STX18: variants seen among roughly 807,000 people sequenced by gnomAD.
The protein encoded by STX18 is syntaxin-18.
Under a neutral mutation model 50.1 loss-of-function variants are expected in STX18, and 40 were observed. The observed-to-expected ratio is 0.80, with a 90% confidence interval of 0.62 to 1.04. STX18 has a LOEUF of 1.04. Among genes scored for constraint, STX18 ranks in the 50% least tolerant of loss-of-function variants. The pLI is 0.00. For synonymous variants in STX18, 158 were observed against 151.8 expected, an observed-to-expected ratio of 1.04 and a Z score of -0.30; for missense variants, 410 against 415.8, an observed-to-expected ratio of 0.99 and a Z score of 0.12.
chr4:4,472,474 G>A (rs10019712), intron 1 of STX18, among the ~76,000 whole-genome samples: 21,747 of 152,168 alleles, frequency 0.14, 1,595 homozygotes, highest in African/African-American at 0.17. Flanking sequence ...TCCAGCTTCC[G>A]ACTCACACAC....
Position 4,419,649 on chromosome 4 carries a change from G to A in STX18, c.*385C>T, listed in dbSNP as rs1724821546. ...CTATGATCTTCCCTGAAGCTACCGG[G>A]ATGGGAAAGGTCAGTGTCTTCCTTT... On this transcript the variant is annotated 3_prime_UTR_variant, in exon 11 of 11. Transcript: ENST00000306200. 5.8e-6 allele frequency: 1 copy of A among 171,140 alleles called. No homozygotes were observed. Among genetic ancestry groups the A allele is most frequent in the East Asian group, 1.6e-4 (1 of 6,286 alleles). The allele number at this position is 171,140 out of a possible 1,614,324, so 10.6% of individuals were successfully genotyped here.
chr4:4,461,003 G>A (rs1368023825), intron 2 of STX18, among the ~76,000 whole-genome samples: 1 of 152,128 alleles, frequency 6.6e-6, no homozygotes, highest in Non-Finnish European at 1.5e-5. Flanking sequence ...GGACAAATGA[G>A]TCAGAAAGGT....
At chr4:4,461,329 A>C (rs148139957) in intron 2 of STX18, among the ~76,000 whole-genome samples, 3 of 152,334 alleles carry the variant, frequency 2.0e-5, no homozygotes, top group African/African-American at 7.2e-5. Flanking sequence ...TATTGTGGAA[A>C]AAGTCCATCT....
At chr4:4,444,741 T>A (rs1726299059) in intron 5 of STX18, among the ~76,000 whole-genome samples, 1 of 152,220 alleles carries the variant, frequency 6.6e-6, no homozygotes, top group Non-Finnish European at 1.5e-5. Context: ...GGAAATTTCC[T>A]TAACCTGATA....
At chr4:4,423,473 C>T (rs749807986) in intron 9 of STX18, 45 bp downstream of exon 9, 2 of 1,583,296 alleles carry the variant, frequency 1.3e-6, no homozygotes, top group Non-Finnish European at 1.7e-6. Flanking sequence ...AAGTACATTC[C>T]CCTTTGAGTG....
At chr4:4,428,933 C>A (rs1416832832) in intron 7 of STX18, among the ~76,000 whole-genome samples, 2 of 152,094 alleles carry the variant, frequency 1.3e-5, no homozygotes, top group Non-Finnish European at 2.9e-5. Context: ...CAGGTTGGGC[C>A]CTCCATGCAT....
At chr4:4,496,745 C>T (rs1729194050) in intron 1 of STX18, among the ~76,000 whole-genome samples, 1 of 152,154 alleles carries the variant, frequency 6.6e-6, no homozygotes, top group South Asian at 2.1e-4. Context: ...AGCTGTCTCA[C>T]CATGAGTTTG....
rs60055312 is a variant in STX18 at position 4,515,910 on chromosome 4, T to C, written c.168+25887A>G. 8.2e-3 allele frequency among the ~76,000 whole-genome samples: 1,248 copies of C among 152,008 alleles called. 14 individuals are homozygous for C. Among genetic ancestry groups the C allele is most frequent in the African/African-American group, 0.029 (1,188 of 41,458 alleles). On this transcript the variant is annotated intron_variant, in intron 1 of 10. Transcript: ENST00000306200. ...AAGAGTAAGTATTCCGAAAACAGCA[T>C]CTGATTACAGCATAAGCTATAGCTG...
At chr4:4,520,796 T>G (rs1730472300) in intron 1 of STX18, among the ~76,000 whole-genome samples, 1 of 152,056 alleles carries the variant, frequency 6.6e-6, no homozygotes, top group South Asian at 2.1e-4. Flanking sequence ...GATAAATAAA[T>G]GTACTCAAAG....
chr4:4,506,319 A>T (rs1270558700), intron 1 of STX18, among the ~76,000 whole-genome samples: 2 of 152,278 alleles, frequency 1.3e-5, no homozygotes, highest in Non-Finnish European at 2.9e-5. Flanking sequence ...GTGATAGATA[A>T]TTGTAGTAAC....
At chr4:4,423,969 T>C (rs1301770311) in intron 8 of STX18, 4 of 246,750 alleles carry the variant, frequency 1.6e-5, no homozygotes, top group African/African-American at 4.5e-5. Flanking sequence ...CTCATCACCA[T>C]GGTAACACAT....
chr4:4,538,634 G>A (rs1731448247), intron 1 of STX18, among the ~76,000 whole-genome samples: 1 of 152,176 alleles, frequency 6.6e-6, no homozygotes, highest in Non-Finnish European at 1.5e-5. Flanking sequence ...TATAGACTAT[G>A]TGAGTAGGGT....
chr4:4,502,150 T>C (rs28459474), intron 1 of STX18, among the ~76,000 whole-genome samples: 26,223 of 152,192 alleles, frequency 0.17, 2,415 homozygotes, highest in Admixed American at 0.25. Context: ...CCTAAAAGTA[T>C]CTGCCAGATA....
chr4:4,439,553 C>T (rs1212527656), intron 5 of STX18, among the ~76,000 whole-genome samples: 1 of 144,356 alleles, frequency 6.9e-6, no homozygotes, highest in Admixed American at 7.1e-5. Flanking sequence ...CAGAAACACA[C>T]ACATATATAC....
At chr4:4,424,384 G>C (rs570718661) in intron 8 of STX18, among the ~76,000 whole-genome samples, 3 of 152,166 alleles carry the variant, frequency 2.0e-5, no homozygotes, top group African/African-American at 7.2e-5. Flanking sequence ...GTGGCAGGGG[G>C]CAGGGGAGGA....
intron 1 of STX18, among the ~76,000 whole-genome samples, chr4:4,510,139 T>A (rs969110971): frequency 1.3e-5 from 2 of 152,186 alleles, no homozygotes; most frequent in African/African-American, 4.8e-5. Context: ...GAGCATTTTA[T>A]AATGGGTGCC....
At position 4,455,571 on chromosome 4, in the gene STX18, C is replaced by T. The variant is rs534525919; in HGVS notation, c.497+1620G>A. ...GCCATCCTAATTGATAAAAACAGCT[C>T]GCCGTGCCTGAACTGTTTTGCAAAA... On this transcript the variant is annotated intron_variant, in intron 5 of 10. Transcript: ENST00000306200. Among the ~76,000 whole-genome samples the T allele has an allele frequency of 1.1e-4, 17 of 152,316 alleles. No individual in the cohort carries two copies. The East Asian group carries it at 1.5e-3, about 14-fold the overall frequency.
rs1724848900 is a variant in STX18, at chr4:4,420,096, T to G, written c.946A>C (p.Ile316Leu). The change falls in exon 11 of 11, where the codon ATC becomes CTC. Residue 316 changes from isoleucine (I) to leucine (L), a missense_variant. Transcript: ENST00000306200. This position sits in a 1 kb window ranked among gnomAD's most constrained non-coding sequence, Gnocchi z 4.3. The stretch of plus-strand genomic sequence containing the variant: ...GAGCACATCACGAGGAAGAAGAGGA[T>G]CCACACGCGGAAGCCAGCGTTGTTT... The part of the protein sequence containing the change: ...IKNNAGFRVW[I>L]LFFLVMCSFS... 1 of 1,613,154 alleles carries G rather than the reference T, an allele frequency of 6.2e-7. No individual in the cohort carries two copies. Among genetic ancestry groups the G allele is most frequent in the Non-Finnish European group, 8.5e-7 (1 of 1,179,676 alleles).
intron 1 of STX18, among the ~76,000 whole-genome samples, chr4:4,528,149 G>A (rs1214612008): frequency 6.6e-6 from 1 of 152,034 alleles, no homozygotes; most frequent in Non-Finnish European, 1.5e-5. Flanking sequence ...CAGTTCCCAA[G>A]CCAACTCCTC....
Sources: allele counts gnomAD v4.1 joint callset (sites outside exome capture counted in the v4.1 genomes callset), GRCh38; gene constraint gnomAD v4.1.1; non-coding constraint Gnocchi (gnomAD v3.1); transcripts MANE v1.5; gene names NCBI Gene and HGNC (gene_info 2026-07-23, HGNC 2026-07-21).